The following PALM2AKAP2 variants were observed in gnomAD, a reference collection of about 807,000 sequenced individuals.
The protein encoded by PALM2AKAP2 is PALM2-AKAP2 fusion protein.
A neutral mutation model predicts 71.5 loss-of-function variants in PALM2AKAP2; 37 were observed. The observed-to-expected ratio is 0.52, with a 90% CI of 0.40 to 0.68. PALM2AKAP2 has a LOEUF of 0.68. Ranked by LOEUF, PALM2AKAP2 falls within the 30% of genes least tolerant of loss-of-function variation. PALM2AKAP2 has a pLI of 0.00. For missense variants in PALM2AKAP2, 1,224 were observed against 1,191.8 expected (o/e 1.03, Z -0.40); for synonymous variants, 468 against 478.8 (o/e 0.98, Z 0.29).
Position 109,657,452 on chromosome 9 carries a change from T to TTGTGTGTGTGTGTGTGTGTG in PALM2AKAP2, c.5+16594_5+16613dup, listed in dbSNP as rs3062680. 4.0e-3 allele frequency among the ~76,000 whole-genome samples: 596 copies of TTGTGTGTGTGTGTGTGTGTG among 147,188 alleles called. 5 individuals are homozygous for TTGTGTGTGTGTGTGTGTGTG. Among genetic ancestry groups the TTGTGTGTGTGTGTGTGTGTG allele is most frequent in the African/African-American group, 0.012 (483 of 39,302 alleles). Reference sequence around the variant, plus strand: ...TCTGAGAACAAAAGCAATATGGTATTTGTGTGTGTGTGTGTGTGTGTGTGT... The same window carrying TTGTGTGTGTGTGTGTGTGTG: ...TCTGAGAACAAAAGCAATATGGTATTTGTGTGTGTGTGTGTGTGTGTGTGTGTGTGTGTGTGTGTGTGTGT... On this transcript the variant is annotated intron_variant, in intron 1 of 6. Coordinates refer to the PALM2AKAP2 transcript ENST00000374531.
chr9:109,813,920 T>TCATCCTTCTTGCTGGTTCCCAG lies in PALM2AKAP2; in HGVS notation c.45+33406_45+33427dup, dbSNP rs1304489446. 5.8e-4 allele frequency among the ~76,000 whole-genome samples: 89 copies of TCATCCTTCTTGCTGGTTCCCAG among 152,342 alleles called. No homozygotes were observed. The East Asian group carries it at 7.1e-3, about 12-fold the overall frequency. ...TCAGCCGTGGTGACCACAGGATGGT[T>TCATCCTTCTTGCTGGTTCCCAG]CATCCTTCTTGCTGGTTCCCAGCAT... On this transcript the variant is annotated intron_variant, in intron 1 of 9. Transcript: ENST00000302798.
intron 6 of PALM2AKAP2, among the ~76,000 whole-genome samples, chr9:109,991,244 C>G (rs113471536): frequency 0.01 from 1,381 of 137,638 alleles, 24 homozygotes; most frequent in African/African-American, 0.035. Context: ...TTTTTTTTTT[C>G]TTTTTTTTTT....
At chr9:109,646,980 C>G (rs187426804) in intron 1 of PALM2AKAP2, among the ~76,000 whole-genome samples, 1 of 152,182 alleles carries the variant, frequency 6.6e-6, no homozygotes, top group Non-Finnish European at 1.5e-5. Flanking sequence ...TCAAATATTA[C>G]GGAAGTTTAT....
intron 1 of PALM2AKAP2, chr9:109,862,771 T>A (rs1446319873): frequency 4.5e-6 from 2 of 449,196 alleles, no homozygotes; most frequent in African/African-American, 4.0e-5. Flanking sequence ...TCATTAAAGC[T>A]TCATGGATAT....
At chr9:109,748,282 T>C (rs16914480) in intron 1 of PALM2AKAP2, among the ~76,000 whole-genome samples, 10,652 of 152,156 alleles carry the variant, frequency 0.07, 445 homozygotes, top group African/African-American at 0.11. Context: ...CTGGACTTGG[T>C]GAATTGGGCT....
chr9:109,656,156 C>T (rs1470312895), intron 1 of PALM2AKAP2, among the ~76,000 whole-genome samples: 3 of 152,040 alleles, frequency 2.0e-5, no homozygotes, highest in Non-Finnish European at 4.4e-5. Flanking sequence ...GTATGGGCAA[C>T]CTCATGTAAC....
At chr9:110,079,463 T>C (rs891418086) in intron 1 of PALM2AKAP2, among the ~76,000 whole-genome samples, 2 of 152,108 alleles carry the variant, frequency 1.3e-5, no homozygotes, top group Admixed American at 6.5e-5. Context: ...GCCACTGGAC[T>C]CCAGCCTGGG....
intron 1 of PALM2AKAP2, chr9:109,867,206 CTG>C (rs1250948686): frequency 9.8e-4 from 193 of 197,912 alleles, no homozygotes; most frequent in Middle Eastern, 4.3e-3. Flanking sequence ...GTGTGTGTGT[CTG>C]TGTGTGTGTG....
chr9:109,876,263 G>A (rs773358529), intron 2 of PALM2AKAP2, among the ~76,000 whole-genome samples: 1 of 152,158 alleles, frequency 6.6e-6, no homozygotes, highest in South Asian at 2.1e-4. Flanking sequence ...GGTGCACTCA[G>A]TATACACCAT....
At chr9:109,680,899 A>AT (rs1339313754) in intron 1 of PALM2AKAP2, among the ~76,000 whole-genome samples, 1 of 152,186 alleles carries the variant, frequency 6.6e-6, no homozygotes. Context: ...TAAATATATA[A>AT]TTTTTTACTA....
intron 1 of PALM2AKAP2, among the ~76,000 whole-genome samples, chr9:109,822,365 CT>C (rs1828034025): frequency 6.6e-6 from 1 of 152,054 alleles, no homozygotes; most frequent in African/African-American, 2.4e-5. Flanking sequence ...GTATTTCTTC[CT>C]CCTTTTTTCT....
intron 1 of PALM2AKAP2, among the ~76,000 whole-genome samples, chr9:109,655,973 TG>T (rs201674372): frequency 0.011 from 1,695 of 152,352 alleles, 16 homozygotes; most frequent in Middle Eastern, 0.051. Context: ...AAGCCTATTA[TG>T]AGCCAGTACA....
intron 6 of PALM2AKAP2, among the ~76,000 whole-genome samples, chr9:109,934,271 G>T (rs1464063616): frequency 6.6e-6 from 1 of 152,038 alleles, no homozygotes; most frequent in African/African-American, 2.4e-5. Flanking sequence ...TCCATCTCTG[G>T]TTGGTTCTGA....
At chr9:109,804,296 T>G (rs1402616025) in intron 1 of PALM2AKAP2, among the ~76,000 whole-genome samples, 1 of 152,168 alleles carries the variant, frequency 6.6e-6, no homozygotes, top group Non-Finnish European at 1.5e-5. Flanking sequence ...TCAAAAATAA[T>G]ATCATCTGTA....
intron 1 of PALM2AKAP2, among the ~76,000 whole-genome samples, chr9:109,648,623 A>T (rs953785071): frequency 1.3e-5 from 2 of 152,292 alleles, no homozygotes; most frequent in African/African-American, 4.8e-5. Context: ...GTAAGTTTGG[A>T]TAGAGACTTG....
upstream of PALM2AKAP2, among the ~76,000 whole-genome samples, chr9:109,778,338 G>A (rs1385591649): frequency 3.9e-5 from 6 of 152,124 alleles, no homozygotes; most frequent in Non-Finnish European, 8.8e-5. Flanking sequence ...AACCTCTCTG[G>A]TCTCATTTTC....
At chr9:110,087,367 T>A (rs1297858755) in intron 1 of PALM2AKAP2, among the ~76,000 whole-genome samples, 1 of 152,244 alleles carries the variant, frequency 6.6e-6, no homozygotes, top group African/African-American at 2.4e-5. Context: ...GCACAGTACC[T>A]GACCCAGCTC....
chr9:110,157,380 C>T (rs1836483462), intron 3 of PALM2AKAP2, among the ~76,000 whole-genome samples: 1 of 136,668 alleles, frequency 7.3e-6, no homozygotes, highest in Non-Finnish European at 1.5e-5. Flanking sequence ...TTAATATCCC[C>T]TTCAACTCTT....
chr9:110,041,791 G>C lies in PALM2AKAP2; in HGVS notation c.582+25752G>C, dbSNP rs1833515738. ...GTCCTTTCTTCAAGTAAGGGCGACT[G>C]TGTCCACCTCCGGTGGTTCCCAAAT... On this transcript the variant is annotated intron_variant, in intron 7 of 9. Coordinates refer to the PALM2AKAP2 transcript ENST00000302798. Among the ~76,000 whole-genome samples the C allele has an allele frequency of 2.0e-5, 3 of 152,354 alleles. No individual in the cohort carries two copies. In the South Asian group the frequency reaches 6.2e-4, roughly 32 times the overall value.
Sources: gnomAD v4.1 joint callset for allele counts (sites outside exome capture counted in the v4.1 genomes callset) on GRCh38, gnomAD v4.1.1 for gene constraint, MANE v1.5 for transcripts, NCBI Gene and HGNC (gene_info 2026-07-23, HGNC 2026-07-21) for gene names.